NBEA: variants seen among roughly 807,000 people sequenced by gnomAD.
The protein encoded by NBEA is lysosomal-trafficking regulator 2.
In NBEA, 44 loss-of-function variants were observed where a neutral mutation model predicts 343.4. The observed-to-expected ratio is 0.13, with a 90% CI of 0.10 to 0.16. NBEA has a LOEUF of 0.16. Ranked by LOEUF, NBEA falls within the 10% of genes least tolerant of loss-of-function variation. The pLI is 1.00. For synonymous variants in NBEA, 1,175 were observed against 1,238.7 expected (o/e 0.95, Z 1.08); for missense variants, 2,555 against 3,631.3 (o/e 0.70, Z 7.62).
intron 10 of NBEA, among the ~76,000 whole-genome samples, chr13:35,084,555 G>C (rs1294006745): frequency 6.6e-6 from 1 of 152,014 alleles, no homozygotes; most frequent in Admixed American, 6.6e-5. Flanking sequence ...ACACAACATA[G>C]CAGAATCTCT....
intron 38 of NBEA, among the ~76,000 whole-genome samples, chr13:35,366,991 G>A (rs896652417): frequency 1.3e-5 from 2 of 151,170 alleles, no homozygotes; most frequent in African/African-American, 2.4e-5. Flanking sequence ...CAAAAAAATG[G>A]CAATTTAGTT....
chr13:34,984,848 T>C (rs1442920532), intron 1 of NBEA, among the ~76,000 whole-genome samples: 2 of 150,996 alleles, frequency 1.3e-5, no homozygotes, highest in Admixed American at 1.3e-4. Context: ...TTGTCTGTTA[T>C]TGGTGTATAG....
Position 34,942,962 on chromosome 13 carries a change from G to C in NBEA, c.142G>C (p.Ala48Pro). 1 of 1,599,840 alleles carries C rather than the reference G, an allele frequency of 6.3e-7. No homozygotes were observed. The highest frequency in any genetic ancestry group is 8.5e-7 in the Non-Finnish European group (1 of 1,173,526). ...GGSGMGELRG[A>P]SGSGSVMLPA... ...CAGCGGGATGGGGGAGCTAAGGGGG[G>C]CGTCCGGCTCCGGCTCGGTGATGCT... Residue 48 changes from alanine (A) to proline (P), a missense_variant, in exon 1 of 59, where the codon GCG (alanine) becomes CCG (proline). Physicochemically the swap from Ala to Pro is conservative, Grantham distance 27. Transcript: ENST00000379939.
intron 38 of NBEA, among the ~76,000 whole-genome samples, chr13:35,428,740 C>T (rs1039147924): frequency 4.6e-5 from 7 of 151,906 alleles, no homozygotes; most frequent in Admixed American, 4.6e-4. Flanking sequence ...TTTTACATTC[C>T]CTTGGATATT....
intron 38 of NBEA, among the ~76,000 whole-genome samples, chr13:35,353,981 C>T (rs1032250395): frequency 2.0e-5 from 3 of 152,182 alleles, no homozygotes; most frequent in Non-Finnish European, 2.9e-5. Context: ...AGTCTTGAGG[C>T]AGAATTTCTT....
chr13:35,207,010 A>AT (rs1183698222), intron 31 of NBEA, among the ~76,000 whole-genome samples: 1 of 152,106 alleles, frequency 6.6e-6, no homozygotes, highest in Non-Finnish European at 1.5e-5. Context: ...ATTTGACACC[A>AT]ACATGCTTAA....
intron 58 of NBEA, among the ~76,000 whole-genome samples, chr13:35,669,818 A>G (rs1384795793): frequency 6.6e-6 from 1 of 152,176 alleles, no homozygotes; most frequent in Non-Finnish European, 1.5e-5. Flanking sequence ...ATCATTGCAT[A>G]TGAGGGCACC....
chr13:35,288,077 C>A (rs1202344023), intron 34 of NBEA, among the ~76,000 whole-genome samples: 1 of 151,952 alleles, frequency 6.6e-6, no homozygotes, highest in Admixed American at 6.6e-5. Flanking sequence ...GTGGAGATAT[C>A]AAATGAGCTA....
intron 41 of NBEA, among the ~76,000 whole-genome samples, chr13:35,478,306 C>T (rs61949165): frequency 0.01 from 1,532 of 152,328 alleles, 14 homozygotes; most frequent in Non-Finnish European, 0.015. Context: ...AACCTTCCAT[C>T]CCCTTAAGAG....
intron 9 of NBEA, 50 bp from the exon 10 acceptor site, chr13:35,070,669 A>G: frequency 6.8e-7 from 1 of 1,464,798 alleles, no homozygotes; most frequent in South Asian, 1.3e-5. Context: ...GGAAATAGTG[A>G]TGAAATCATT....
intron 35 of NBEA, among the ~76,000 whole-genome samples, chr13:35,296,039 C>T (rs182024577): frequency 6.6e-6 from 1 of 152,198 alleles, no homozygotes; most frequent in Non-Finnish European, 1.5e-5. Flanking sequence ...ATATCCACCT[C>T]AAATTATAGA....
At position 34,990,713 on chromosome 13, in the gene NBEA, A is replaced by G. The variant is rs1030145218; in HGVS notation, c.294+47599A>G. ...ATGCAAATTTCTACATCCAGCTTGA[A>G]TTCCTCCCCAGAAAATGGGCTTTTC... On this transcript the variant is annotated intron_variant, in intron 1 of 58. Transcript: ENST00000379939. Among the ~76,000 whole-genome samples the G allele has an allele frequency of 2.9e-5, 4 of 138,750 alleles. 1 individual carries two copies. Among genetic ancestry groups the G allele is most frequent in the Admixed American group, 7.0e-5 (1 of 14,350 alleles). 91.0% of individuals were successfully genotyped at this position (138,750 alleles called of 152,430 possible). A position where few individuals can be genotyped will look rare whatever the true frequency, so the allele number is the denominator to read the frequency against.
chr13:35,272,105 A>G (rs572048848), intron 34 of NBEA, among the ~76,000 whole-genome samples: 16 of 152,314 alleles, frequency 1.1e-4, no homozygotes, highest in Middle Eastern at 3.4e-3. Flanking sequence ...GCAGCCAGAG[A>G]GAAAGGTTGG....
chr13:35,263,474 A>C (rs989571936), intron 34 of NBEA, among the ~76,000 whole-genome samples: 1 of 152,188 alleles, frequency 6.6e-6, no homozygotes, highest in Admixed American at 6.6e-5. Flanking sequence ...TAGCTACAGA[A>C]TACCCATTCT....
chr13:35,501,827 A>G (rs757111987), intron 41 of NBEA, among the ~76,000 whole-genome samples: 6 of 152,118 alleles, frequency 3.9e-5, no homozygotes, highest in East Asian at 1.9e-4. Context: ...AAAGCCTCCA[A>G]TATGACGGGG....
intron 43 of NBEA, among the ~76,000 whole-genome samples, chr13:35,552,939 G>T (rs1369945037): frequency 6.6e-6 from 1 of 151,872 alleles, no homozygotes; most frequent in Non-Finnish European, 1.5e-5. Context: ...CACCCAGGCT[G>T]GAGTGCAGTG....
chr13:35,654,921 C>T lies in NBEA; in HGVS notation c.8102C>T (p.Ala2701Val), dbSNP rs1387962478. ...GTTGACCAGAGTATACAAATCAATG[C>T]ACATTGTTTTGTGGTAACAGCAGAT... Reference protein sequence around the residue: ...DLVDQSIQINAHCFVVTADNR... With the variant: ...DLVDQSIQINVHCFVVTADNR... The change falls in exon 54 of 59, where the codon GCA becomes GTA. Residue 2701 changes from alanine to valine, a missense_variant. Ala to Val is a moderately conservative substitution (Grantham distance 64, BLOSUM62 0). Coordinates refer to ENST00000379939, the MANE Select transcript of NBEA (RefSeq NM_001385012.1). 6.3e-7 allele frequency: 1 copy of T among 1,588,458 alleles called. No individual in the cohort carries two copies.
rs2036177829 is a variant in NBEA at position 35,297,037 on chromosome 13, T to C, written c.5838+6587T>C. Among the ~76,000 whole-genome samples the C allele has an allele frequency of 2.0e-5, 3 of 151,996 alleles. No individual in the cohort carries two copies. The South Asian group carries it at 6.2e-4, about 31-fold the overall frequency. ...CCAATAGTAACATCTTACATATAACTGTAGTAGAGTATAAAAACCAGGAAA... is the reference window on the plus strand; with the variant it reads ...CCAATAGTAACATCTTACATATAACCGTAGTAGAGTATAAAAACCAGGAAA... On this transcript the variant is annotated intron_variant, in intron 35 of 58. Transcript: ENST00000379939.
intron 39 of NBEA, among the ~76,000 whole-genome samples, chr13:35,442,315 A>G (rs1235327421): frequency 6.6e-6 from 1 of 152,056 alleles, no homozygotes; most frequent in Middle Eastern, 3.2e-3. Context: ...CAAGTTTTCT[A>G]TATGTTTTAT....
Sources: allele counts gnomAD v4.1 joint callset (sites outside exome capture counted in the v4.1 genomes callset), GRCh38; gene constraint gnomAD v4.1.1; transcripts MANE v1.5; gene names NCBI Gene and HGNC (gene_info 2026-07-23, HGNC 2026-07-21).